Variants in TSHZ2 observed in about 807,000 individuals in gnomAD.
TSHZ2 encodes teashirt homolog 2.
Under a neutral mutation model 74.4 loss-of-function variants are expected in TSHZ2, and 21 were observed. The ratio of observed to expected loss-of-function variants is 0.28; its 90% CI spans 0.20 to 0.41. The LOEUF (loss-of-function observed/expected upper bound fraction) is 0.41, where lower values mean the gene tolerates loss of function less well. Among genes scored for constraint, TSHZ2 ranks in the 10% least tolerant of loss-of-function variants. TSHZ2 has a pLI of 1.00. For missense variants in TSHZ2, 1,244 were observed against 1,293.5 expected (o/e 0.96, Z 0.59); for synonymous variants, 540 against 515.3 (o/e 1.05, Z -0.65).
intron 2 of TSHZ2, among the ~76,000 whole-genome samples, chr20:53,437,396 C>G (rs1034318507): frequency 6.6e-6 from 1 of 152,200 alleles, no homozygotes; most frequent in East Asian, 1.9e-4. Flanking sequence ...TTGCTTGAAC[C>G]CGGGGGACAG....
chr20:53,275,914 C>A (rs1052663656), intron 2 of TSHZ2, among the ~76,000 whole-genome samples: 5 of 152,104 alleles, frequency 3.3e-5, no homozygotes, highest in African/African-American at 1.2e-4. Context: ...GTAACAAGAG[C>A]GAAACTCCGT....
In TSHZ2 at chr20:53,185,224, G is replaced by A. The variant is rs910721709; in HGVS notation, c.41-68275G>A. 4.0e-6 allele frequency: 4 copies of A among 989,620 alleles called. No individual in the cohort carries two copies. The African/African-American group carries it at 7.0e-5, about 17-fold the overall frequency. 61.3% of individuals were successfully genotyped at this position (989,620 alleles called of 1,614,324 possible). ...TCTGGGAGCTTTTTACTGTCATTTA[G>A]CCTGTTTCTCCAACCCCTGTAGAAG... is the stretch of plus-strand genomic sequence containing the variant. On this transcript the variant is annotated intron_variant, in intron 1 of 2. Coordinates refer to ENST00000371497, the MANE Select transcript of TSHZ2 (RefSeq NM_173485.6).
At chr20:53,284,357 C>T (rs138339750) in intron 2 of TSHZ2, among the ~76,000 whole-genome samples, 27 of 152,314 alleles carry the variant, frequency 1.8e-4, no homozygotes, top group African/African-American at 6.0e-4. Flanking sequence ...AAATTATGCA[C>T]ATAAATATGC....
At chr20:53,339,194 C>G (rs1980078331) in intron 2 of TSHZ2, among the ~76,000 whole-genome samples, 1 of 152,162 alleles carries the variant, frequency 6.6e-6, no homozygotes, top group Admixed American at 6.5e-5. Context: ...TTTCCAGTCC[C>G]TAATCTTAGT....
At chr20:53,310,756 C>T (rs1483825270) in intron 2 of TSHZ2, among the ~76,000 whole-genome samples, 1 of 152,144 alleles carries the variant, frequency 6.6e-6, no homozygotes, top group Non-Finnish European at 1.5e-5. Context: ...TTTACCTCAT[C>T]AAAGCCAGCA....
chr20:53,232,855 G>A (rs1339140381), intron 1 of TSHZ2, among the ~76,000 whole-genome samples: 5 of 151,712 alleles, frequency 3.3e-5, no homozygotes, highest in Non-Finnish European at 7.4e-5. Flanking sequence ...TTTTATCTAA[G>A]CTAAGAGGCC....
Position 53,254,920 on chromosome 20 carries a change from C to T in TSHZ2, c.1462C>T (p.Leu488=), listed in dbSNP as rs1288457464. The T allele has an allele frequency of 6.2e-7, 1 of 1,613,774 alleles. No individual in the cohort carries two copies. The highest frequency in any genetic ancestry group is 2.2e-5 in the East Asian group (1 of 44,892). The change falls in exon 2 of 3, where the codon CTA becomes TTA. Residue 488 remains leucine, a synonymous_variant. Transcript: ENST00000371497. ...VVKSEDYEDP[L]QKPLDPTIKY... ...GAAAAGCGAGGACTATGAAGATCCT[C>T]TACAAAAACCTTTAGACCCTACAAT...
At chr20:53,299,380 T>C (rs2145477974) in intron 2 of TSHZ2, among the ~76,000 whole-genome samples, 1 of 152,350 alleles carries the variant, frequency 6.6e-6, no homozygotes, top group Middle Eastern at 3.4e-3. Context: ...TTTTTGTGGA[T>C]ATGATTGTCT....
At chr20:53,091,383 C>T (rs985088910) in intron 1 of TSHZ2, among the ~76,000 whole-genome samples, 3 of 152,118 alleles carry the variant, frequency 2.0e-5, no homozygotes, top group African/African-American at 4.8e-5. Context: ...GTTTGTATGC[C>T]GCTCCCGGTT....
intron 2 of TSHZ2, among the ~76,000 whole-genome samples, chr20:53,347,872 G>A (rs1334992704): frequency 6.6e-6 from 1 of 152,076 alleles, no homozygotes; most frequent in Admixed American, 6.5e-5. Flanking sequence ...GCAATTCAGT[G>A]GCTTTTAGTA....
chr20:53,345,790 A>T (rs1217363038), intron 2 of TSHZ2, among the ~76,000 whole-genome samples: 4 of 77,500 alleles, frequency 5.2e-5, no homozygotes, highest in African/African-American at 2.1e-4. Context: ...TCCCCTCCCC[A>T]CTTCTCAGCA....
chr20:53,309,929 T>C (rs1978707824), intron 2 of TSHZ2, among the ~76,000 whole-genome samples: 1 of 152,188 alleles, frequency 6.6e-6, no homozygotes, highest in Non-Finnish European at 1.5e-5. Flanking sequence ...TTTAACTCCA[T>C]CTCGTTATTG....
chr20:53,194,462 CAA>C (rs1988811733), intron 1 of TSHZ2, among the ~76,000 whole-genome samples: 2 of 152,332 alleles, frequency 1.3e-5, no homozygotes, highest in Admixed American at 6.5e-5. Flanking sequence ...GTCAGTGATT[CAA>C]AGACATGATT....
At chr20:53,122,300 A>G (rs537196482) in intron 1 of TSHZ2, among the ~76,000 whole-genome samples, 9 of 146,038 alleles carry the variant, frequency 6.2e-5, no homozygotes, top group South Asian at 4.3e-4. Flanking sequence ...AAAAAAAAAA[A>G]AAAGAAAGAA....
intron 2 of TSHZ2, among the ~76,000 whole-genome samples, chr20:53,335,576 T>C (rs758448440): frequency 2.8e-4 from 43 of 152,326 alleles, no homozygotes; most frequent in Admixed American, 8.5e-4. Context: ...CTTGGGTCAT[T>C]TCCTTTTGCA....
Position 53,012,328 on chromosome 20 carries a change from G to A in TSHZ2, c.40+38995G>A, listed in dbSNP as rs575845931. ...GTTAGCCACCAATCGGCCTTCTCTGGTCCCTTACTCCTGGGTGTGTTCCAT... is the reference window on the plus strand; with the variant it reads ...GTTAGCCACCAATCGGCCTTCTCTGATCCCTTACTCCTGGGTGTGTTCCAT... On this transcript the variant is annotated intron_variant, in intron 1 of 2. Coordinates refer to ENST00000371497, the MANE Select transcript of TSHZ2 (RefSeq NM_173485.6). 2.6e-5 allele frequency among the ~76,000 whole-genome samples: 4 copies of A among 152,156 alleles called. No individual in the cohort carries two copies. In the Middle Eastern group the frequency reaches 0.014, roughly 518 times the overall value.
At position 53,074,945 on chromosome 20, in the gene TSHZ2, C is replaced by T. The variant is rs59389222; in HGVS notation, c.40+101612C>T. Among the ~76,000 whole-genome samples the T allele has an allele frequency of 4.3e-3, 660 of 152,328 alleles. 7 individuals carry two copies. The highest frequency in any genetic ancestry group is 0.015 in the African/African-American group (632 of 41,584). ...TGACCTTGCAGGTCAGTGTTTTTCC[C>T]ACTCAACCACAGATGTTTTATGTCC... On this transcript the variant is annotated intron_variant, in intron 1 of 2. Coordinates refer to ENST00000371497, the MANE Select transcript of TSHZ2 (RefSeq NM_173485.6). This position sits in a 1 kb window ranked among gnomAD's most constrained non-coding sequence, Gnocchi z 5.9.
intron 2 of TSHZ2, among the ~76,000 whole-genome samples, chr20:53,401,539 A>C (rs1982658590): frequency 1.1e-5 from 1 of 94,440 alleles, no homozygotes; most frequent in East Asian, 2.6e-4. Context: ...CTTACCCCTC[A>C]CTCCTTCCAA....
rs779892655 is a variant in TSHZ2, at chr20:53,255,721, C to A, written c.2263C>A (p.Arg755Ser). Residue 755 changes from arginine to serine, a missense_variant, in exon 2 of 3, where the codon CGC (arginine) becomes AGC (serine). Physicochemically the swap from Arg to Ser is moderately radical, Grantham distance 110. Coordinates refer to ENST00000371497, the MANE Select transcript of TSHZ2 (RefSeq NM_173485.6). The surrounding 1 kb of genome is among the most constrained non-coding windows in gnomAD (Gnocchi z 4.1). ...CACAAGGTCAGCCAGCGTGTCCAGG[C>A]GCTACCTGTTTGAGAACAGCGATCA... ...ASTRSASVSRRYLFENSDQPI... is the reference protein window; with the variant it reads ...ASTRSASVSRSYLFENSDQPI... 1.2e-6 allele frequency: 2 copies of A among 1,611,154 alleles called. No individual in the cohort carries two copies. The highest frequency in any genetic ancestry group is 1.1e-5 in the South Asian group (1 of 90,450).
Sources: gnomAD v4.1 joint callset for allele counts (sites outside exome capture counted in the v4.1 genomes callset) on GRCh38, gnomAD v4.1.1 for gene constraint, Gnocchi (gnomAD v3.1) non-coding constraint, MANE v1.5 for transcripts, NCBI Gene and HGNC (gene_info 2026-07-23, HGNC 2026-07-21) for gene names.